The following WWOX variants were observed in gnomAD, a reference collection of about 807,000 sequenced individuals.
The protein encoded by WWOX is WW domain-containing oxidoreductase.
In WWOX, 69 loss-of-function variants were observed where a neutral mutation model predicts 46.2. The ratio of observed to expected loss-of-function variants is 1.49; its 90% CI spans 1.23 to 1.82. The LOEUF is 1.82. WWOX is among the 40% of genes most tolerant of loss of function. The pLI, the probability that WWOX is intolerant of heterozygous loss-of-function variation, is 0.00. For synonymous variants in WWOX, 359 were observed against 202.6 expected, an observed-to-expected ratio of 1.77 and a Z score of -6.56; for missense variants, 919 against 542.6, an observed-to-expected ratio of 1.69 and a Z score of -6.89.
intron 8 of WWOX, among the ~76,000 whole-genome samples, chr16:78,957,123 G>A (rs900703285): frequency 1.3e-5 from 2 of 152,130 alleles, no homozygotes; most frequent in Non-Finnish European, 2.9e-5. Context: ...CACTTTATAT[G>A]CAGAAGGTTG....
chr16:78,731,720 G>A (rs899239305), intron 8 of WWOX, among the ~76,000 whole-genome samples: 1 of 152,088 alleles, frequency 6.6e-6, no homozygotes, highest in South Asian at 2.1e-4. Context: ...AAGAAGAAGC[G>A]GATAAGGCCA....
chr16:78,718,043 A>G (rs928695804), intron 8 of WWOX, among the ~76,000 whole-genome samples: 2 of 151,992 alleles, frequency 1.3e-5, no homozygotes, highest in African/African-American at 4.8e-5. Flanking sequence ...GCCAGACTGC[A>G]AACGTTATTT....
intron 8 of WWOX, among the ~76,000 whole-genome samples, chr16:78,769,516 C>T (rs1034985354): frequency 6.9e-6 from 1 of 145,502 alleles, no homozygotes; most frequent in African/African-American, 2.6e-5. Context: ...TAATCCCTCC[C>T]ACCCACCCCC....
chr16:79,167,937 G>T (rs2050626715), intron 8 of WWOX, among the ~76,000 whole-genome samples: 1 of 152,016 alleles, frequency 6.6e-6, no homozygotes, highest in Non-Finnish European at 1.5e-5. Context: ...GGTCTCTGTG[G>T]ATTTGCCTAT....
At chr16:78,383,349 G>A (rs560147674) in intron 5 of WWOX, among the ~76,000 whole-genome samples, 1 of 152,108 alleles carries the variant, frequency 6.6e-6, no homozygotes, top group South Asian at 2.1e-4. Flanking sequence ...GGTGTTCTCT[G>A]TACCAGTTTG....
chr16:78,919,341 G>C (rs980828292), intron 8 of WWOX, among the ~76,000 whole-genome samples: 12 of 151,892 alleles, frequency 7.9e-5, no homozygotes, highest in Non-Finnish European at 1.2e-4. Context: ...AGGGCAAGTG[G>C]TAGATTCTAG....
intron 5 of WWOX, among the ~76,000 whole-genome samples, chr16:78,254,242 T>C (rs1166080245): frequency 6.6e-6 from 1 of 151,710 alleles, no homozygotes; most frequent in Non-Finnish European, 1.5e-5. Context: ...TTTTTGAAAC[T>C]ATTTGTAGAG....
intron 8 of WWOX, among the ~76,000 whole-genome samples, chr16:79,189,815 T>C (rs2051096360): frequency 6.6e-6 from 1 of 151,490 alleles, no homozygotes; most frequent in Admixed American, 6.6e-5. Flanking sequence ...GGGATATTTA[T>C]TTGGCATCTT....
intron 8 of WWOX, among the ~76,000 whole-genome samples, chr16:78,775,658 A>T (rs941225235): frequency 4.6e-5 from 7 of 152,118 alleles, no homozygotes; most frequent in Admixed American, 4.6e-4. Flanking sequence ...TATAGATGGG[A>T]CAGGAGCCTT....
intron 8 of WWOX, among the ~76,000 whole-genome samples, chr16:78,532,813 G>T (rs2667622): frequency 1.3e-5 from 2 of 152,032 alleles, no homozygotes; most frequent in Admixed American, 1.3e-4. Flanking sequence ...CCATGATTCA[G>T]TTACCTCCCA....
chr16:78,400,934 C>G (rs1039390403), intron 6 of WWOX, among the ~76,000 whole-genome samples: 1 of 152,184 alleles, frequency 6.6e-6, no homozygotes, highest in African/African-American at 2.4e-5. Context: ...AGTGATCCTT[C>G]CACTCAGCCT....
intron 8 of WWOX, among the ~76,000 whole-genome samples, chr16:79,096,945 A>G (rs767614785): frequency 6.6e-6 from 1 of 151,942 alleles, no homozygotes; most frequent in Non-Finnish European, 1.5e-5. Flanking sequence ...CTGTGGGCAT[A>G]TTGGGGAGGG....
chr16:78,566,377 A>G (rs899485856), intron 8 of WWOX, among the ~76,000 whole-genome samples: 5 of 152,204 alleles, frequency 3.3e-5, no homozygotes, highest in South Asian at 2.1e-4. Flanking sequence ...CAAGTATAGT[A>G]GTGGGAGAAC....
At chr16:78,374,161 C>G (rs2081761527) in intron 5 of WWOX, among the ~76,000 whole-genome samples, 1 of 152,204 alleles carries the variant, frequency 6.6e-6, no homozygotes. Flanking sequence ...CTCCCTGTTG[C>G]TCATTTGGAA....
At chr16:78,869,291 C>G (rs963156333) in intron 8 of WWOX, among the ~76,000 whole-genome samples, 1 of 152,142 alleles carries the variant, frequency 6.6e-6, no homozygotes, top group African/African-American at 2.4e-5. Context: ...AGAAGGGGAT[C>G]AAGGAAAGTC....
intron 8 of WWOX, among the ~76,000 whole-genome samples, chr16:79,022,943 A>G (rs947454448): frequency 1.3e-5 from 2 of 152,186 alleles, no homozygotes; most frequent in South Asian, 4.1e-4. Flanking sequence ...TCTGCTAATA[A>G]TACCTATGGC....
intron 8 of WWOX, among the ~76,000 whole-genome samples, chr16:79,064,764 C>G (rs1442698170): frequency 6.6e-6 from 1 of 152,176 alleles, no homozygotes; most frequent in Non-Finnish European, 1.5e-5. Flanking sequence ...TCAGGAGACG[C>G]TTAAGGCATT....
chr16:78,504,993 T>C (rs998849976), intron 8 of WWOX, among the ~76,000 whole-genome samples: 5 of 152,214 alleles, frequency 3.3e-5, no homozygotes, highest in African/African-American at 1.2e-4. Flanking sequence ...CTTATGTATA[T>C]GCCTTTGTGC....
intron 8 of WWOX, among the ~76,000 whole-genome samples, chr16:78,644,365 A>G (rs1330361485): frequency 6.6e-6 from 1 of 152,166 alleles, no homozygotes; most frequent in Non-Finnish European, 1.5e-5. Flanking sequence ...CTATGCAAAC[A>G]AAAATTTTAA....
Sources: gnomAD v4.1 joint callset for allele counts (sites outside exome capture counted in the v4.1 genomes callset) on GRCh38, gnomAD v4.1.1 for gene constraint, MANE v1.5 for transcripts, NCBI Gene and HGNC (gene_info 2026-07-23, HGNC 2026-07-21) for gene names.